Variants in DEPDC1 observed in about 807,000 individuals in gnomAD.
DEPDC1 encodes DEP domain containing 1.
In DEPDC1, 66 loss-of-function variants were observed where a neutral mutation model predicts 86.8. The observed-to-expected ratio is 0.76, with a 90% CI of 0.62 to 0.93. DEPDC1 has a LOEUF of 0.93. DEPDC1 is among the 40% of genes least tolerant of loss of function. The pLI, the probability that DEPDC1 is intolerant of heterozygous loss-of-function variation, is 0.00. For missense variants in DEPDC1, 792 were observed against 935.7 expected, an observed-to-expected ratio of 0.85 and a Z score of 2.00; for synonymous variants, 255 against 314.9, an observed-to-expected ratio of 0.81 and a Z score of 2.02.
chr1:68,476,491 G>A lies in DEPDC1; in HGVS notation c.*441C>T, dbSNP rs957358501. 1 of 152,078 alleles carries A rather than the reference G, an allele frequency of 6.6e-6. No homozygotes were observed. 9.4% of individuals were successfully genotyped at this position (152,078 alleles called of 1,614,324 possible). On this transcript the variant is annotated 3_prime_UTR_variant, in exon 12 of 12. Coordinates refer to ENST00000456315, the MANE Select transcript of DEPDC1 (RefSeq NM_001114120.3). Reference sequence around the variant, plus strand: ...TGGCAGCTGAGAATTATTTCATTGAGTTTTCAAATATTCTTCACATTCTTA... The same window carrying A: ...TGGCAGCTGAGAATTATTTCATTGAATTTTCAAATATTCTTCACATTCTTA...
intron 7 of DEPDC1, 55 bp downstream of exon 7, chr1:68,483,895 A>C: frequency 4.4e-6 from 5 of 1,139,394 alleles, no homozygotes; most frequent in Middle Eastern, 6.5e-4. Context: ...TCTAAATTAT[A>C]AGAAAGTTGA....
chr1:68,486,738 C>T (rs780689505), intron 6 of DEPDC1, among the ~76,000 whole-genome samples, 199 bp downstream of exon 6: 23 of 151,910 alleles, frequency 1.5e-4, no homozygotes, highest in Admixed American at 1.3e-4. Flanking sequence ...AAAATCGCCA[C>T]CTTTCTAAAC....
In DEPDC1 at chr1:68,496,360, A is replaced by G. The variant is rs1646265223; in HGVS notation, c.48+592T>C. Among the ~76,000 whole-genome samples, 1 of 152,162 alleles carries G rather than the reference A, an allele frequency of 6.6e-6. No homozygotes were observed. The highest frequency in any genetic ancestry group is 6.5e-5 in the Admixed American group (1 of 15,286). ...AGTATCCTATAGAACCGAAGACCCA[A>G]CTGCACAAAACGCGTTAGGAGTGCT... is the stretch of plus-strand genomic sequence containing the variant. On this transcript the variant is annotated intron_variant, in intron 1 of 11. Coordinates refer to ENST00000456315, the MANE Select transcript of DEPDC1 (RefSeq NM_001114120.3). The surrounding 1 kb of genome is among the most constrained non-coding windows in gnomAD (Gnocchi z 4.0).
At chr1:68,477,389 C>A (rs957082939) in intron 11 of DEPDC1, among the ~76,000 whole-genome samples, 10 of 151,636 alleles carry the variant, frequency 6.6e-5, no homozygotes, top group African/African-American at 2.4e-4. Flanking sequence ...GTGTCTCAGA[C>A]TTAGAATTAG....
At chr1:68,492,320 T>C (rs1296079455) in intron 2 of DEPDC1, among the ~76,000 whole-genome samples, 6 of 152,216 alleles carry the variant, frequency 3.9e-5, no homozygotes, top group Non-Finnish European at 8.8e-5. Flanking sequence ...ATTTATTCTA[T>C]TTAATACAAT....
chr1:68,477,931 A>G lies in DEPDC1; in HGVS notation c.2154T>C (p.Thr718=). The change falls in exon 11 of 12, where the codon ACT becomes ACC. Residue 718 remains threonine (T), a synonymous_variant. Transcript: ENST00000456315. ...PGDGLFAPLP[T]YSYCKQISAQ... ...CACTAATCTGCTTACAGTATGAGTA[A>G]GTTGGCAAAGGAGCAAATAGTCCAT... 1 of 1,568,346 alleles carries G rather than the reference A, an allele frequency of 6.4e-7. No homozygotes were observed. Among genetic ancestry groups the G allele is most frequent in the Non-Finnish European group, 8.6e-7 (1 of 1,157,492 alleles).
At chr1:68,491,463 G>C (rs1201317923) in intron 2 of DEPDC1, among the ~76,000 whole-genome samples, 4 of 152,092 alleles carry the variant, frequency 2.6e-5, no homozygotes, top group Non-Finnish European at 5.9e-5. Context: ...ACTATAATGA[G>C]ATACCATCTC....
chr1:68,489,164 G>T, intron 3 of DEPDC1, 130 bp from the exon 4 acceptor site: 1 of 651,032 alleles, frequency 1.5e-6, no homozygotes, highest in Non-Finnish European at 2.6e-6. Flanking sequence ...AATGTAATAT[G>T]GTAATGGAGT....
intron 2 of DEPDC1, among the ~76,000 whole-genome samples, chr1:68,489,997 T>C (rs752099997): frequency 2.0e-5 from 3 of 152,102 alleles, no homozygotes; most frequent in Non-Finnish European, 4.4e-5. Context: ...CTTCTTTTGA[T>C]TGTAATGTTT....
At position 68,497,048 on chromosome 1, in the gene DEPDC1, G is replaced by C. The variant is rs775857167; in HGVS notation, c.-49C>G. Reference sequence around the variant, plus strand: ...TCCATGGCGGCGAAGGCGACACTCAGGCCCAGCGGCCGCGGCAGTGGCGAG... The same window carrying C: ...TCCATGGCGGCGAAGGCGACACTCACGCCCAGCGGCCGCGGCAGTGGCGAG... On this transcript the variant is annotated 5_prime_UTR_variant, in exon 1 of 12. Coordinates refer to ENST00000456315, the MANE Select transcript of DEPDC1 (RefSeq NM_001114120.3). The C allele has an allele frequency of 6.3e-6, 10 of 1,599,116 alleles. No homozygotes were observed. The highest frequency in any genetic ancestry group is 4.0e-5 in the African/African-American group (3 of 74,276).
At chr1:68,489,712 C>T (rs1395549142) in intron 2 of DEPDC1, 104 bp from the exon 3 acceptor site, 2 of 748,076 alleles carry the variant, frequency 2.7e-6, no homozygotes, top group East Asian at 3.3e-5. Flanking sequence ...CTTATTAATA[C>T]TACCAAGTAA....
At chr1:68,481,986 AAC>A (rs2100250266) in intron 8 of DEPDC1, 58 bp downstream of exon 8, 18 of 1,461,812 alleles carry the variant, frequency 1.2e-5, no homozygotes, top group Non-Finnish European at 1.6e-5. Context: ...AGGTAAGCAA[AAC>A]ACAGAGTTAG....
In DEPDC1 at chr1:68,494,520, AGTTGGATAGTCT is replaced by A. The variant is rs753005065; in HGVS notation, c.212_223del (p.Gln71_Gln74del). 3.1e-6 allele frequency: 5 copies of A among 1,613,736 alleles called. No individual in the cohort carries two copies. The Admixed American group carries it at 8.3e-5, about 27-fold the overall frequency. On this transcript the variant is annotated inframe_deletion, in exon 2 of 12. Transcript: ENST00000456315. Reference sequence around the variant, plus strand: ...ATGATTCTTAAGAAATTTCCTCAACAGTTGGATAGTCTGTTGCCTTGTAACTTCAGGACCAAA... The same window carrying A: ...ATGATTCTTAAGAAATTTCCTCAACAGTTGCCTTGTAACTTCAGGACCAAA...
intron 6 of DEPDC1, 22 bp downstream of exon 6, chr1:68,486,915 C>G (rs1571201227): frequency 6.4e-7 from 1 of 1,573,214 alleles, no homozygotes; most frequent in South Asian, 1.2e-5. Context: ...CACACACACA[C>G]ACACACATAT....
At chr1:68,494,794 C>T in intron 1 of DEPDC1, 99 bp from the exon 2 acceptor site, 4 of 879,864 alleles carry the variant, frequency 4.5e-6, no homozygotes, top group Non-Finnish European at 6.8e-6. Flanking sequence ...TAATTCACAT[C>T]TGATTATATC....
At chr1:68,495,170 G>T (rs1382280255) in intron 1 of DEPDC1, among the ~76,000 whole-genome samples, 1 of 151,872 alleles carries the variant, frequency 6.6e-6, no homozygotes, top group Non-Finnish European at 1.5e-5. Flanking sequence ...ATCTTACACT[G>T]CTTTCTTTTT....
In DEPDC1 at chr1:68,475,350, CA is replaced by C. The variant is rs1214195031; in HGVS notation, c.*1581del. On this transcript the variant is annotated 3_prime_UTR_variant, in exon 12 of 12. Transcript: ENST00000456315. ...ACAAAACCCCAAATAATTTTAATCTCAATTTGCAACATAATCCACATTTTAC... is the reference window on the plus strand; with the variant it reads ...ACAAAACCCCAAATAATTTTAATCTCATTTGCAACATAATCCACATTTTAC... 6.6e-6 allele frequency: 1 copy of C among 151,854 alleles called. No homozygotes were observed. Among genetic ancestry groups the C allele is most frequent in the Non-Finnish European group, 1.5e-5 (1 of 67,864 alleles). 9.4% of individuals were successfully genotyped at this position (151,854 alleles called of 1,614,324 possible). A position where few individuals can be genotyped will look rare whatever the true frequency, so the allele number is the denominator to read the frequency against.
Position 68,476,837 on chromosome 1 carries a change from A to C in DEPDC1, c.*95T>G. The C allele has an allele frequency of 9.0e-7, 1 of 1,110,608 alleles. No individual in the cohort carries two copies. Among genetic ancestry groups the C allele is most frequent in the South Asian group, 1.8e-5 (1 of 54,166 alleles). 68.8% of individuals were successfully genotyped at this position (1,110,608 alleles called of 1,614,324 possible). A position where few individuals can be genotyped will look rare whatever the true frequency, so the allele number is the denominator to read the frequency against. On this transcript the variant is annotated 3_prime_UTR_variant, in exon 12 of 12. Transcript: ENST00000456315. ...TAATGTGTTTATTTAGAAATACCTT[A>C]TTAATGACAGACTTCCTTTTGAGTA...
Position 68,488,953 on chromosome 1 carries a change from C to T in DEPDC1, c.553G>A (p.Asp185Asn). 1 of 1,605,010 alleles carries T rather than the reference C, an allele frequency of 6.2e-7. No homozygotes were observed. The highest frequency in any genetic ancestry group is 8.5e-7 in the Non-Finnish European group (1 of 1,174,182). ...ACATATCTCCAAACTTCTTCAACAT[C>T]TTCCTGGCTTAGTTCTCTATTATCA... ...AIDNRELSQE[D>N]VEEVWRYVIL... The change falls in exon 4 of 12, where the codon GAT becomes AAT. Residue 185 changes from aspartate (D) to asparagine (N), a missense_variant. Coordinates refer to ENST00000456315, the MANE Select transcript of DEPDC1 (RefSeq NM_001114120.3).
Sources: gnomAD v4.1 joint callset for allele counts (sites outside exome capture counted in the v4.1 genomes callset) on GRCh38, gnomAD v4.1.1 for gene constraint, Gnocchi (gnomAD v3.1) non-coding constraint, MANE v1.5 for transcripts, NCBI Gene and HGNC (gene_info 2026-07-23, HGNC 2026-07-21) for gene names.